SGMS1: variants seen among roughly 807,000 people sequenced by gnomAD.
SGMS1 encodes the protein phosphatidylcholine:ceramide cholinephosphotransferase 1.
In SGMS1, 13 loss-of-function variants were observed where a neutral mutation model predicts 46.2. That is an observed-to-expected ratio of 0.28 (90% CI 0.18 to 0.45). The LOEUF is 0.45. Ranked by LOEUF, SGMS1 falls within the 20% of genes least tolerant of loss-of-function variation. SGMS1 has a pLI of 1.00. For missense variants in SGMS1, 324 were observed against 519.9 expected (o/e 0.62, Z 3.66); for synonymous variants, 203 against 187.8 (o/e 1.08, Z -0.66).
intron 5 of SGMS1, among the ~76,000 whole-genome samples, chr10:50,445,297 C>T (rs531181498): frequency 4.6e-5 from 7 of 152,264 alleles, no homozygotes; most frequent in African/African-American, 1.7e-4. Flanking sequence ...AAATGTTTGA[C>T]AATTTTTAAG....
Position 50,344,005 on chromosome 10 carries a change from A to G in SGMS1, c.110T>C (p.Ile37Thr). The G allele has an allele frequency of 6.2e-7, 1 of 1,614,092 alleles. No individual in the cohort carries two copies. The change falls in exon 7 of 11, where the codon ATC (isoleucine) becomes ACC (threonine). Residue 37 changes from isoleucine to threonine, a missense_variant. Transcript: ENST00000361781. ...TTTGAAATCCTCTTGGGTTAGGTTGATCAAGTCCTGGCCTGTGAAATGCTC... is the reference window on the plus strand; with the variant it reads ...TTTGAAATCCTCTTGGGTTAGGTTGGTCAAGTCCTGGCCTGTGAAATGCTC... ...PLEHFTGQDLINLTQEDFKKP... is the reference protein window; with the variant it reads ...PLEHFTGQDLTNLTQEDFKKP...
intron 6 of SGMS1, among the ~76,000 whole-genome samples, chr10:50,388,890 T>C (rs369964692): frequency 5.9e-5 from 9 of 152,316 alleles, no homozygotes; most frequent in East Asian, 5.8e-4. Flanking sequence ...TTGGATGTCA[T>C]CTAGCAACCG....
At chr10:50,344,787 G>C (rs1181448117) in intron 6 of SGMS1, among the ~76,000 whole-genome samples, 1 of 152,000 alleles carries the variant, frequency 6.6e-6, no homozygotes, top group Non-Finnish European at 1.5e-5. Flanking sequence ...CAGGAGAATG[G>C]TGTGAACCCG....
At chr10:50,583,766 A>G (rs1259442919) in intron 2 of SGMS1, among the ~76,000 whole-genome samples, 2 of 152,198 alleles carry the variant, frequency 1.3e-5, no homozygotes, top group Non-Finnish European at 2.9e-5. Context: ...ACTTGCAACC[A>G]AGGCACTCTG....
chr10:50,577,219 G>C (rs758394065), intron 2 of SGMS1, among the ~76,000 whole-genome samples: 4 of 152,148 alleles, frequency 2.6e-5, no homozygotes, highest in Non-Finnish European at 4.4e-5. Context: ...GATCAACGGG[G>C]ATGACACAGC....
At chr10:50,516,803 C>T (rs1837810206) in intron 3 of SGMS1, among the ~76,000 whole-genome samples, 1 of 152,138 alleles carries the variant, frequency 6.6e-6, no homozygotes, top group African/African-American at 2.4e-5. Flanking sequence ...TTCTGCTATA[C>T]TATAATTAGA....
intron 2 of SGMS1, among the ~76,000 whole-genome samples, chr10:50,556,088 C>A (rs1211464660): frequency 6.6e-6 from 1 of 152,176 alleles, no homozygotes; most frequent in Non-Finnish European, 1.5e-5. Context: ...CTTCTCCAAC[C>A]CTTTGGTTTG....
chr10:50,541,723 G>A (rs1305413393), intron 2 of SGMS1, among the ~76,000 whole-genome samples: 1 of 152,174 alleles, frequency 6.6e-6, no homozygotes, highest in Non-Finnish European at 1.5e-5. Flanking sequence ...TGTTTGGGAA[G>A]GAAAAGGGGT....
chr10:50,438,320 C>T (rs1271921275), intron 5 of SGMS1, among the ~76,000 whole-genome samples: 1 of 152,208 alleles, frequency 6.6e-6, no homozygotes, highest in African/African-American at 2.4e-5. Flanking sequence ...TACTCTGCTA[C>T]AAGTTTCTCT....
intron 5 of SGMS1, among the ~76,000 whole-genome samples, chr10:50,455,632 G>A (rs924626155): frequency 3.3e-5 from 5 of 152,102 alleles, no homozygotes; most frequent in Admixed American, 6.6e-5. Context: ...TCTTTTATTC[G>A]GAGTAGCTGG....
intron 6 of SGMS1, among the ~76,000 whole-genome samples, chr10:50,404,623 C>T (rs1172231681): frequency 6.6e-6 from 1 of 152,120 alleles, no homozygotes; most frequent in Non-Finnish European, 1.5e-5. Context: ...CAATCAGTGA[C>T]CTTTCCAGAG....
chr10:50,326,788 C>T (rs1373699349), intron 8 of SGMS1, among the ~76,000 whole-genome samples: 1 of 151,972 alleles, frequency 6.6e-6, no homozygotes, highest in African/African-American at 2.4e-5. Flanking sequence ...TTGAGGACTG[C>T]AAGGAAATAG....
chr10:50,546,515 A>T (rs1193340005), intron 2 of SGMS1, among the ~76,000 whole-genome samples: 1 of 152,240 alleles, frequency 6.6e-6, no homozygotes, highest in African/African-American at 2.4e-5. Flanking sequence ...AATGTGGCAC[A>T]TATACACCAT....
chr10:50,604,374 T>C lies in SGMS1; in HGVS notation c.-683-14127A>G, dbSNP rs75212763. Reference sequence around the variant, plus strand: ...AGGGACGGTGTCTAAAGAAGAACTATTAGGAAGATAAGAGAACCAGAACTG... The same window carrying C: ...AGGGACGGTGTCTAAAGAAGAACTACTAGGAAGATAAGAGAACCAGAACTG... On this transcript the variant is annotated intron_variant, in intron 1 of 10. Coordinates refer to ENST00000361781, the MANE Select transcript of SGMS1 (RefSeq NM_147156.4). 2.8e-4 allele frequency among the ~76,000 whole-genome samples: 42 copies of C among 152,130 alleles called. No individual in the cohort carries two copies. The East Asian group carries it at 6.4e-3, about 23-fold the overall frequency.
At chr10:50,531,434 G>C (rs1837952418) in intron 2 of SGMS1, among the ~76,000 whole-genome samples, 1 of 151,550 alleles carries the variant, frequency 6.6e-6, no homozygotes, top group Non-Finnish European at 1.5e-5. Context: ...AAGTGACTTA[G>C]AGCATACTGT....
chr10:50,364,735 A>T (rs143634371), intron 6 of SGMS1, among the ~76,000 whole-genome samples: 25 of 152,268 alleles, frequency 1.6e-4, no homozygotes, highest in African/African-American at 5.8e-4. Context: ...GGCAATTCAG[A>T]TTTCAAACAT....
intron 3 of SGMS1, among the ~76,000 whole-genome samples, chr10:50,489,478 C>T (rs1183711878): frequency 6.6e-6 from 1 of 152,202 alleles, no homozygotes; most frequent in African/African-American, 2.4e-5. Context: ...TTCACAAACA[C>T]CTGCTAGGGT....
At chr10:50,532,887 A>G (rs2983354) in intron 2 of SGMS1, among the ~76,000 whole-genome samples, 26,439 of 152,182 alleles carry the variant, frequency 0.17, 2,977 homozygotes, top group Non-Finnish European at 0.26. Flanking sequence ...GATTACTTCA[A>G]TTCACGTAAG....
chr10:50,460,780 C>G lies in SGMS1; in HGVS notation c.-420G>C, dbSNP rs989685916. On this transcript the variant is annotated 5_prime_UTR_variant, in exon 5 of 11. Coordinates refer to ENST00000361781, the MANE Select transcript of SGMS1 (RefSeq NM_147156.4). ...TTCTATTTCATGTTTCCCAACCAGA[C>G]ACTTTCGGGCATCCCAAAGAACTCA... 6.6e-6 allele frequency: 1 copy of G among 152,380 alleles called. No homozygotes were observed. The highest frequency in any genetic ancestry group is 2.4e-5 in the African/African-American group (1 of 41,464). 9.4% of individuals were successfully genotyped at this position (152,380 alleles called of 1,614,324 possible).
Sources: allele counts gnomAD v4.1 joint callset (sites outside exome capture counted in the v4.1 genomes callset), GRCh38; gene constraint gnomAD v4.1.1; transcripts MANE v1.5; gene names NCBI Gene and HGNC (gene_info 2026-07-23, HGNC 2026-07-21).